Variants in ATPAF1 observed in about 807,000 individuals in gnomAD.
ATPAF1 encodes homolog of yeast ATP11.
A neutral mutation model predicts 43.9 loss-of-function variants in ATPAF1; 26 were observed. The ratio of observed to expected loss-of-function variants is 0.59; its 90% CI spans 0.43 to 0.82. The LOEUF is 0.82. Among genes scored for constraint, ATPAF1 ranks in the 40% least tolerant of loss-of-function variants. The pLI is 0.00. For synonymous variants in ATPAF1, 157 were observed against 168.0 expected (o/e 0.93, Z 0.50); for missense variants, 366 against 435.0 (o/e 0.84, Z 1.41).
chr1:46,644,741 A>T, intron 7 of ATPAF1, among the ~76,000 whole-genome samples: 1 of 4,300 alleles, frequency 2.3e-4, no homozygotes, highest in Admixed American at 7.5e-3. Flanking sequence ...AAACAAAATA[A>T]CATTAAACAG....
chr1:46,652,722 AT>A (rs1676194934), intron 5 of ATPAF1, 94 bp from the exon 6 acceptor site: 34 of 1,048,436 alleles, frequency 3.2e-5, no homozygotes, highest in Non-Finnish European at 4.7e-5. Flanking sequence ...TTCTAGAATT[AT>A]AATACAACTA....
At chr1:46,648,972 C>CT (rs1676109953) in intron 6 of ATPAF1, among the ~76,000 whole-genome samples, 1 of 151,418 alleles carries the variant, frequency 6.6e-6, no homozygotes, top group South Asian at 2.1e-4. Context: ...GTACAAGACT[C>CT]TGACTCAAAA....
chr1:46,668,231 C>A lies in ATPAF1; in HGVS notation c.92G>T (p.Ser31Ile). ...CACGAGCCCCAGGCCCAGGGCGCGG[C>A]TGCGCACCGCGCACAGGCCCCGGTA... The change falls in exon 1 of 9, where the codon AGC becomes ATC. Residue 31 changes from serine (S) to isoleucine (I), a missense_variant. Ser to Ile is a moderately radical substitution (Grantham distance 142). Coordinates refer to ENST00000574428, the Ensembl canonical transcript of ATPAF1. The surrounding 1 kb of genome is among the most constrained non-coding windows in gnomAD (Gnocchi z 4.4). 2 of 1,371,092 alleles carry A rather than the reference C, an allele frequency of 1.5e-6. No homozygotes were observed. The highest frequency in any genetic ancestry group is 9.4e-7 in the Non-Finnish European group (1 of 1,061,016). The allele number at this position is 1,371,092 out of a possible 1,614,324, so 84.9% of individuals were successfully genotyped here. A position where few individuals can be genotyped will look rare whatever the true frequency, so the allele number is the denominator to read the frequency against.
At chr1:46,658,706 C>T in exon 3 of ATPAF1, 1 of 1,603,222 alleles carries the variant, frequency 6.2e-7, no homozygotes, top group Non-Finnish European at 8.5e-7. Context: ...AGTGAATCCT[C>T]TGTTCACAGA....
intron 2 of ATPAF1, chr1:46,664,495 A>G (rs1194605452): frequency 2.6e-5 from 4 of 152,348 alleles, no homozygotes; most frequent in African/African-American, 9.7e-5. Flanking sequence ...CTTAAGCCCA[A>G]AGAGTTTAAT....
upstream of ATPAF1, chr1:46,668,514 T>C (rs1469960516): frequency 5.6e-6 from 4 of 715,514 alleles, no homozygotes; most frequent in Non-Finnish European, 7.2e-6. The surrounding 1 kb of genome is among the most constrained non-coding windows in gnomAD (Gnocchi z 4.4). Context: ...GCCCCGGCAC[T>C]GCGCGCTCTC....
chr1:46,658,622 G>T, intron 3 of ATPAF1, 65 bp downstream of exon 3: 1 of 1,285,484 alleles, frequency 7.8e-7, no homozygotes, highest in Non-Finnish European at 1.1e-6. Context: ...CAAATTTGCA[G>T]CCTCTTGTTC....
At chr1:46,661,964 C>T (rs745744725) in intron 2 of ATPAF1, among the ~76,000 whole-genome samples, 4 of 151,222 alleles carry the variant, frequency 2.6e-5, no homozygotes, top group East Asian at 1.9e-4. Flanking sequence ...GTGTGATCTC[C>T]GCTCACTGCA....
chr1:46,647,784 G>A (rs1335227668), intron 6 of ATPAF1, among the ~76,000 whole-genome samples: 2 of 152,182 alleles, frequency 1.3e-5, no homozygotes, highest in African/African-American at 4.8e-5. Flanking sequence ...GGCAGTATAG[G>A]AGAGTTCCAG....
chr1:46,644,916 T>G (rs1676011712), intron 7 of ATPAF1, among the ~76,000 whole-genome samples: 1 of 152,198 alleles, frequency 6.6e-6, no homozygotes, highest in Non-Finnish European at 1.5e-5. Context: ...ACTAGAGGTC[T>G]GGGGAAGAGA....
intron 4 of ATPAF1, among the ~76,000 whole-genome samples, chr1:46,657,055 G>C (rs971631865): frequency 6.6e-6 from 1 of 152,140 alleles, no homozygotes; most frequent in Non-Finnish European, 1.5e-5. Context: ...AATAGACATG[G>C]GTTTGAGTCC....
At position 46,642,821 on chromosome 1, in the gene ATPAF1, T is replaced by C. The variant is rs116347058; in HGVS notation, c.792+373A>G. 3.2e-3 allele frequency among the ~76,000 whole-genome samples: 490 copies of C among 152,300 alleles called. 6 individuals carry two copies. The highest frequency in any genetic ancestry group is 0.011 in the African/African-American group (472 of 41,560). On this transcript the variant is annotated intron_variant, in intron 8 of 8. Transcript: ENST00000574428. ...ATGTGACTCCCCATACTCAAACACA[T>C]TAATATTTCCCTAGTAAAATGCATA... is the stretch of plus-strand genomic sequence containing the variant.
chr1:46,638,475 AGCTGGGCGTGGTGGTGG>A (rs1160383002), intron 8 of ATPAF1, among the ~76,000 whole-genome samples: 15 of 152,116 alleles, frequency 9.9e-5, no homozygotes, highest in Non-Finnish European at 4.4e-5. Flanking sequence ...AAACAAAATT[AGCTGGGCGTGGTGGTGG>A]GCGCTTGTAG....
intron 8 of ATPAF1, among the ~76,000 whole-genome samples, chr1:46,638,945 T>C (rs1487507802): frequency 6.6e-6 from 1 of 152,226 alleles, no homozygotes; most frequent in African/African-American, 2.4e-5. Context: ...TCCCTACATA[T>C]TCCTGGGGTC....
chr1:46,640,598 C>T (rs1295865208), intron 8 of ATPAF1, among the ~76,000 whole-genome samples: 1 of 152,080 alleles, frequency 6.6e-6, no homozygotes, highest in Non-Finnish European at 1.5e-5. Context: ...TGTGCCACTG[C>T]ACTCCAGCCT....
At chr1:46,646,879 T>G (rs1676053703) in intron 6 of ATPAF1, among the ~76,000 whole-genome samples, 1 of 152,216 alleles carries the variant, frequency 6.6e-6, no homozygotes, top group South Asian at 2.1e-4. Flanking sequence ...AAGCAACCAC[T>G]GATTTGCTTT....
Position 46,668,228 on chromosome 1 carries a change from C to T in ATPAF1, c.95G>A (p.Arg32His). The T allele has an allele frequency of 1.5e-6, 2 of 1,364,862 alleles. No individual in the cohort carries two copies. The highest frequency in any genetic ancestry group is 1.7e-5 in the South Asian group (1 of 58,148). 84.5% of individuals were successfully genotyped at this position (1,364,862 alleles called of 1,614,324 possible). A position where few individuals can be genotyped will look rare whatever the true frequency, so the allele number is the denominator to read the frequency against. Reference sequence around the variant, plus strand: ...TGACACGAGCCCCAGGCCCAGGGCGCGGCTGCGCACCGCGCACAGGCCCCG... The same window carrying T: ...TGACACGAGCCCCAGGCCCAGGGCGTGGCTGCGCACCGCGCACAGGCCCCG... Residue 32 changes from arginine (R) to histidine (H), a missense_variant, in exon 1 of 9, where the codon CGC becomes CAC. Transcript: ENST00000574428. The surrounding 1 kb of genome is among the most constrained non-coding windows in gnomAD (Gnocchi z 4.4).
chr1:46,667,564 C>T (rs1676511976), intron 1 of ATPAF1, among the ~76,000 whole-genome samples: 1 of 152,152 alleles, frequency 6.6e-6, no homozygotes, highest in African/African-American at 2.4e-5. Flanking sequence ...TAAGAGGGTT[C>T]AATGGGTGAT....
At chr1:46,663,485 T>C (rs1271860683) in intron 2 of ATPAF1, among the ~76,000 whole-genome samples, 1 of 152,262 alleles carries the variant, frequency 6.6e-6, no homozygotes, top group Non-Finnish European at 1.5e-5. Context: ...CTAACTGGTG[T>C]GAGATGGTAT....
Sources: gnomAD v4.1 joint callset for allele counts (sites outside exome capture counted in the v4.1 genomes callset) on GRCh38, gnomAD v4.1.1 for gene constraint, Gnocchi (gnomAD v3.1) non-coding constraint, MANE v1.5 for transcripts, NCBI Gene and HGNC (gene_info 2026-07-23, HGNC 2026-07-21) for gene names.